RACGAP1: variants seen among roughly 807,000 people sequenced by gnomAD.
RACGAP1 encodes Rac GTPase activating protein 1.
Under a neutral mutation model 78.1 loss-of-function variants are expected in RACGAP1, and 30 were observed. That is an observed-to-expected ratio of 0.38 (90% CI 0.29 to 0.52). The LOEUF (loss-of-function observed/expected upper bound fraction) is 0.52. RACGAP1 is among the 20% of genes least tolerant of loss of function. RACGAP1 has a pLI of 0.82. For synonymous variants in RACGAP1, 231 were observed against 264.8 expected, an observed-to-expected ratio of 0.87 and a Z score of 1.24; for missense variants, 587 against 777.1, an observed-to-expected ratio of 0.76 and a Z score of 2.91.
intron 16 of RACGAP1, 140 bp from the exon 17 acceptor site, chr12:49,990,483 G>T: frequency 1.2e-6 from 1 of 853,736 alleles, no homozygotes; most frequent in Non-Finnish European, 1.8e-6. Flanking sequence ...AGTATTCTTA[G>T]TCACCAACAA....
chr12:50,016,488 T>C, intron 2 of RACGAP1, 143 bp downstream of exon 2: 1 of 818,344 alleles, frequency 1.2e-6, no homozygotes, highest in African/African-American at 1.7e-5. Flanking sequence ...CCATTAGGCT[T>C]TGACCACGTA....
intron 9 of RACGAP1, among the ~76,000 whole-genome samples, chr12:49,997,717 A>G (rs1948398965): frequency 6.6e-6 from 1 of 152,028 alleles, no homozygotes; most frequent in East Asian, 1.9e-4. Flanking sequence ...AGCTGGGATT[A>G]CAGGCATGCG....
intron 1 of RACGAP1, among the ~76,000 whole-genome samples, chr12:50,020,277 G>A (rs1387383676): frequency 1.3e-5 from 2 of 151,806 alleles, no homozygotes; most frequent in African/African-American, 2.4e-5. Flanking sequence ...TTCAGGGTTC[G>A]AGTGATTCTC....
At chr12:50,008,355 T>C (rs1159737603) in intron 2 of RACGAP1, among the ~76,000 whole-genome samples, 1 of 140,694 alleles carries the variant, frequency 7.1e-6, no homozygotes, top group Admixed American at 7.1e-5. Context: ...TGTGTCACCA[T>C]GCCCAGTTAA....
chr12:50,031,773 C>T, exon 2 of RACGAP1: 1 of 985,396 alleles, frequency 1.0e-6, no homozygotes, highest in Non-Finnish European at 1.2e-6. Context: ...ACTGTGTTCT[C>T]TCCCTTTCAT....
At chr12:49,999,796 G>A in intron 7 of RACGAP1, 63 bp from the exon 8 acceptor site, 3 of 1,302,472 alleles carry the variant, frequency 2.3e-6, no homozygotes, top group Non-Finnish European at 3.3e-6. Flanking sequence ...CCACTATAGG[G>A]TATTTTGGAG....
intron 2 of RACGAP1, among the ~76,000 whole-genome samples, chr12:50,011,953 CAAAAAAAAAAAAA>C (rs771572498): frequency 5.5e-4 from 19 of 34,514 alleles, no homozygotes; most frequent in Admixed American, 4.2e-3. Context: ...GACTCCGTCT[CAAAAAAAAAAAAA>C]AAAAAAAAAA....
chr12:49,995,085 A>G (rs1262107795), intron 10 of RACGAP1, among the ~76,000 whole-genome samples: 1 of 152,182 alleles, frequency 6.6e-6, no homozygotes, highest in African/African-American at 2.4e-5. Context: ...GCGGTAGCTC[A>G]CGCCTGTAAT....
chr12:49,998,590 CAT>C (rs772644280), intron 9 of RACGAP1, among the ~76,000 whole-genome samples: 1 of 151,888 alleles, frequency 6.6e-6, no homozygotes, highest in Admixed American at 6.6e-5. Flanking sequence ...AAAATGTAAA[CAT>C]GTGTCACTAA....
At chr12:50,033,198 T>C (rs1185753540), upstream of RACGAP1, 2 of 152,156 alleles carry the variant, frequency 1.3e-5, no homozygotes, top group African/African-American at 4.8e-5. Flanking sequence ...TCCAGGATTA[T>C]CGTTCCCCCT....
chr12:50,009,288 A>G (rs1949164976), intron 2 of RACGAP1, among the ~76,000 whole-genome samples: 1 of 151,398 alleles, frequency 6.6e-6, no homozygotes, highest in Non-Finnish European at 1.5e-5. Context: ...AAATTACAGT[A>G]CCTCCTTTAA....
chr12:49,991,362 A>G (rs1664099641), intron 15 of RACGAP1, among the ~76,000 whole-genome samples: 1 of 149,450 alleles, frequency 6.7e-6, no homozygotes, highest in Non-Finnish European at 1.5e-5. Context: ...GTTAATACCT[A>G]CTAGAACATT....
rs57512055 is a variant in RACGAP1, at chr12:49,996,628, TAAAAAAAAAAAAAAAAAAAAAAA to T, written c.1044+389_1044+411del. ...TGCACTCCAGCCTAGGCAATAGAGC[TAAAAAAAAAAAAAAAAAAAAAAA>T]AAAAAAAAAAAAAAAAATGGACACA... is the stretch of plus-strand genomic sequence containing the variant. On this transcript the variant is annotated intron_variant, in intron 10 of 16. Transcript: ENST00000312377. 3.1e-3 allele frequency among the ~76,000 whole-genome samples: 58 copies of T among 19,000 alleles called. 1 individual carries two copies. Among genetic ancestry groups the T allele is most frequent in the Admixed American group, 7.5e-3 (8 of 1,066 alleles). 12.5% of individuals were successfully genotyped at this position (19,000 alleles called of 152,430 possible). A position where few individuals can be genotyped will look rare whatever the true frequency, so the allele number is the denominator to read the frequency against.
intron 6 of RACGAP1, 37 bp downstream of exon 6, chr12:50,002,210 C>T: frequency 6.3e-7 from 1 of 1,588,656 alleles, no homozygotes; most frequent in Non-Finnish European, 8.6e-7. Context: ...TCCATTATTA[C>T]TTTGTTTTAA....
At chr12:49,995,043 C>T (rs1173435066) in intron 10 of RACGAP1, among the ~76,000 whole-genome samples, 1 of 152,092 alleles carries the variant, frequency 6.6e-6, no homozygotes, top group African/African-American at 2.4e-5. Flanking sequence ...GAGTACAGAA[C>T]ATGTGTAAAA....
chr12:50,002,499 T>C (rs1470503561), intron 5 of RACGAP1, 199 bp from the exon 6 acceptor site: 3 of 401,166 alleles, frequency 7.5e-6, no homozygotes, highest in African/African-American at 4.1e-5. Context: ...CTTTGAAAAA[T>C]TGAAGCTATT....
intron 1 of RACGAP1, among the ~76,000 whole-genome samples, chr12:50,032,559 G>GTGTA (rs977914101): frequency 6.6e-6 from 1 of 152,050 alleles, no homozygotes; most frequent in African/African-American, 2.4e-5. Flanking sequence ...GTGTGTGTGT[G>GTGTA]TGTGTGTGAA....
chr12:50,032,671 C>T (rs1950346189), intron 1 of RACGAP1, among the ~76,000 whole-genome samples: 1 of 152,140 alleles, frequency 6.6e-6, no homozygotes, highest in South Asian at 2.1e-4. Flanking sequence ...ACCGGAGAAG[C>T]TTGAGAGCTT....
At chr12:50,024,909 G>A (rs1950204055) in intron 1 of RACGAP1, among the ~76,000 whole-genome samples, 1 of 151,962 alleles carries the variant, frequency 6.6e-6, no homozygotes, top group Non-Finnish European at 1.5e-5. Context: ...AGGCCTCGTT[G>A]TTACTGAGGG....
Sources: gnomAD v4.1 joint callset for allele counts (sites outside exome capture counted in the v4.1 genomes callset) on GRCh38, gnomAD v4.1.1 for gene constraint, MANE v1.5 for transcripts, NCBI Gene and HGNC (gene_info 2026-07-23, HGNC 2026-07-21) for gene names.